Variants in SORCS3 observed in about 807,000 individuals in gnomAD.
The protein encoded by SORCS3 is VPS10 domain-containing receptor SorCS3.
In SORCS3, 57 loss-of-function variants were observed where a neutral mutation model predicts 146.3. That is an observed-to-expected ratio of 0.39 (90% CI 0.31 to 0.49). The LOEUF is 0.49. SORCS3 is among the 20% of genes least tolerant of loss of function. The pLI, the probability that SORCS3 is intolerant of heterozygous loss-of-function variation, is 0.92. For synonymous variants in SORCS3, 653 were observed against 618.5 expected, an observed-to-expected ratio of 1.06 and a Z score of -0.83; for missense variants, 1,341 against 1,575.5, an observed-to-expected ratio of 0.85 and a Z score of 2.52.
intron 3 of SORCS3, among the ~76,000 whole-genome samples, chr10:104,941,956 G>GA (rs575723226): frequency 6.6e-6 from 1 of 152,086 alleles, no homozygotes; most frequent in African/African-American, 2.4e-5. Context: ...GGAGTATTGA[G>GA]AAAAAAAGAC....
intron 3 of SORCS3, among the ~76,000 whole-genome samples, chr10:104,927,212 G>T (rs145860695): frequency 6.6e-6 from 1 of 152,172 alleles, no homozygotes; most frequent in Non-Finnish European, 1.5e-5. Context: ...TTTCTCTTCC[G>T]TGTGAACTCT....
intron 3 of SORCS3, among the ~76,000 whole-genome samples, chr10:104,954,786 G>GTTA (rs869122996): frequency 6.6e-6 from 1 of 152,088 alleles, no homozygotes; most frequent in Non-Finnish European, 1.5e-5. Context: ...TAGATTGACT[G>GTTA]TTATTATTAT....
chr10:105,238,679 C>A (rs771936643), intron 20 of SORCS3, among the ~76,000 whole-genome samples: 35 of 152,120 alleles, frequency 2.3e-4, no homozygotes, highest in Non-Finnish European at 4.3e-4. Context: ...TGATTTAGGG[C>A]AGCATGATAT....
At chr10:105,137,549 A>G (rs775904658) in intron 7 of SORCS3, among the ~76,000 whole-genome samples, 1 of 152,168 alleles carries the variant, frequency 6.6e-6, no homozygotes, top group Non-Finnish European at 1.5e-5. Flanking sequence ...TCAGGAACAT[A>G]TCTACATCTG....
At chr10:104,969,350 C>T (rs534909328) in intron 3 of SORCS3, among the ~76,000 whole-genome samples, 12 of 150,072 alleles carry the variant, frequency 8.0e-5, no homozygotes, top group East Asian at 2.0e-4. Context: ...TGCGCGCGCG[C>T]GTACAGAGCA....
intron 5 of SORCS3, among the ~76,000 whole-genome samples, chr10:105,082,112 G>T (rs2055630044): frequency 6.6e-6 from 1 of 152,228 alleles, no homozygotes; most frequent in Non-Finnish European, 1.5e-5. Flanking sequence ...GTCAAGCATT[G>T]TGTCTAATAA....
At chr10:105,154,443 TC>T (rs2056191457) in intron 9 of SORCS3, among the ~76,000 whole-genome samples, 1 of 152,186 alleles carries the variant, frequency 6.6e-6, no homozygotes, top group Non-Finnish European at 1.5e-5. Context: ...GCTGTCAGTT[TC>T]CCTCTGCACT....
At chr10:104,676,141 T>C (rs1313496131) in intron 1 of SORCS3, among the ~76,000 whole-genome samples, 1 of 152,246 alleles carries the variant, frequency 6.6e-6, no homozygotes, top group Admixed American at 6.5e-5. Context: ...ATTTTCATTA[T>C]GTCATCTGTG....
Position 105,133,287 on chromosome 10 carries a change from C to T in SORCS3, c.1213-6110C>T, listed in dbSNP as rs76217172. On this transcript the variant is annotated intron_variant, in intron 7 of 26. Transcript: ENST00000369701. ...TCAGTATCCAATGGAGGAATCCAAACTCAAAGTCTTTCTGCTTAAGCAGAT... is the reference window on the plus strand; with the variant it reads ...TCAGTATCCAATGGAGGAATCCAAATTCAAAGTCTTTCTGCTTAAGCAGAT... 7.6e-3 allele frequency among the ~76,000 whole-genome samples: 1,150 copies of T among 152,288 alleles called. 9 individuals carry two copies. The highest frequency in any genetic ancestry group is 0.014 in the South Asian group (67 of 4,826).
At chr10:105,098,753 T>TGTTGTCATCGTCATTGTC (rs2055763822) in intron 6 of SORCS3, among the ~76,000 whole-genome samples, 1 of 152,224 alleles carries the variant, frequency 6.6e-6, no homozygotes. Flanking sequence ...AAAATGCTAC[T>TGTTGTCATCGTCATTGTC]GTTGTCATCG....
chr10:104,671,277 T>G (rs1003709778), intron 1 of SORCS3, among the ~76,000 whole-genome samples: 3 of 118,750 alleles, frequency 2.5e-5, no homozygotes, highest in Non-Finnish European at 5.5e-5. Context: ...TAACTGTGTG[T>G]TTTTTTTTAT....
intron 7 of SORCS3, among the ~76,000 whole-genome samples, chr10:105,127,961 CT>C: frequency 6.6e-6 from 1 of 152,312 alleles, no homozygotes; most frequent in Non-Finnish European, 1.5e-5. Flanking sequence ...GGCGTAGACA[CT>C]TTAGGCTCAT....
chr10:105,262,290 A>T (rs764596321), intron 25 of SORCS3, 41 bp from the exon 26 acceptor site: 5 of 1,585,994 alleles, frequency 3.2e-6, no homozygotes, highest in Non-Finnish European at 4.3e-6. Context: ...AGTTTGGCAC[A>T]CCCTGTGATC....
At chr10:104,652,287 T>C (rs973317730) in intron 1 of SORCS3, among the ~76,000 whole-genome samples, 1 of 152,182 alleles carries the variant, frequency 6.6e-6, no homozygotes, top group Admixed American at 6.5e-5. Context: ...TTTTCTGGGA[T>C]TCAGTTTCGT....
At chr10:104,712,550 T>C (rs2016430895) in intron 1 of SORCS3, among the ~76,000 whole-genome samples, 2 of 152,138 alleles carry the variant, frequency 1.3e-5, no homozygotes, top group South Asian at 4.1e-4. Context: ...TGAGGAGGGA[T>C]AGGATTCCTT....
At chr10:105,215,764 G>A (rs2119652287) in intron 18 of SORCS3, among the ~76,000 whole-genome samples, 1 of 152,222 alleles carries the variant, frequency 6.6e-6, no homozygotes, top group Admixed American at 6.5e-5. Flanking sequence ...ATTCACATCT[G>A]GGCTGCCATG....
intron 1 of SORCS3, among the ~76,000 whole-genome samples, chr10:104,817,388 C>T (rs1448842686): frequency 2.9e-5 from 3 of 104,948 alleles, no homozygotes; most frequent in Admixed American, 1.9e-4. Flanking sequence ...TCCCCCTCCT[C>T]CTCCTCCTTC....
intron 4 of SORCS3, among the ~76,000 whole-genome samples, chr10:105,031,604 T>A (rs1404987287): frequency 6.6e-6 from 1 of 152,208 alleles, no homozygotes; most frequent in Non-Finnish European, 1.5e-5. Context: ...GAGAACTTGC[T>A]GCCGTGTGAG....
chr10:104,761,626 A>G (rs2017123200), intron 1 of SORCS3, among the ~76,000 whole-genome samples: 1 of 152,178 alleles, frequency 6.6e-6, no homozygotes, highest in South Asian at 2.1e-4. Context: ...ATGGATATTG[A>G]CAGTCTAATC....
Sources: allele counts gnomAD v4.1 joint callset (sites outside exome capture counted in the v4.1 genomes callset), GRCh38; gene constraint gnomAD v4.1.1; transcripts MANE v1.5; gene names NCBI Gene and HGNC (gene_info 2026-07-23, HGNC 2026-07-21).